PTPN11: variants seen among roughly 807,000 people sequenced by gnomAD.
PTPN11 encodes the protein tyrosine-protein phosphatase non-receptor type 11.
PTPN11 carries 6 observed loss-of-function variants against 78.8 expected under a neutral mutation model. The observed-to-expected ratio is 0.08, with a 90% CI of 0.04 to 0.15. The LOEUF is 0.15. Ranked by LOEUF, PTPN11 falls within the 10% of genes least tolerant of loss-of-function variation. The pLI is 1.00. For synonymous variants in PTPN11, 221 were observed against 263.5 expected (o/e 0.84, Z 1.56); for missense variants, 386 against 744.8 (o/e 0.52, Z 5.61).
At position 112,455,968 on chromosome 12, in the gene PTPN11, A is replaced by G. The variant is rs397516806; in HGVS notation, c.661A>G (p.Ile221Val). Residue 221 changes from isoleucine (I) to valine (V), a missense_variant, in exon 6 of 16, where the codon ATA becomes GTA. This residue lies in a region of PTPN11 where 279 missense variants were observed against 503.3 expected (regional missense o/e 0.55). Transcript: ENST00000351677. ...QLKQPLNTTR[I>V]NAAEIESRVR... ...CGATCAGCCCCTTAACACGACTCGT[A>G]TAAATGCTGCTGAAATAGAAAGCAG... 9 of 1,608,476 alleles carry G rather than the reference A, an allele frequency of 5.6e-6. No homozygotes were observed. The highest frequency in any genetic ancestry group is 1.7e-5 in the Admixed American group (1 of 59,842).
In PTPN11 at chr12:112,477,925, G is replaced by T. The variant is rs2038532761; in HGVS notation, c.1002G>T (p.Leu334=). 6.2e-7 allele frequency: 1 copy of T among 1,614,160 alleles called. No homozygotes were observed. The highest frequency in any genetic ancestry group is 1.6e-4 in the Middle Eastern group (1 of 6,062). ...GTTACATTGCCACACAAGGCTGCCT[G>T]CAAAACACGGTGAATGACTTTTGGC... ...KKSYIATQGC[L]QNTVNDFWRM... The change falls in exon 9 of 16, where the codon CTG becomes CTT. Residue 334 remains leucine, a synonymous_variant. Coordinates refer to ENST00000351677, the MANE Select transcript of PTPN11 (RefSeq NM_002834.5).
chr12:112,493,001 T>G (rs971004739), intron 13 of PTPN11, among the ~76,000 whole-genome samples: 1 of 152,162 alleles, frequency 6.6e-6, no homozygotes, highest in Non-Finnish European at 1.5e-5. Flanking sequence ...TTTTGATATA[T>G]GTATACTTTG....
In PTPN11 at chr12:112,506,946, T is replaced by TTGATGATGATGA; in HGVS notation, c.*1190_*1201dup. On this transcript the variant is annotated 3_prime_UTR_variant, in exon 16 of 16. Transcript: ENST00000351677. ...ACAGTGTCCCTTCTACTTCCCTCTA[T>TTGATGATGATGA]TGATGATGATGATGATGATGATGAT... 1.8e-5 allele frequency: 4 copies of TTGATGATGATGA among 217,018 alleles called. No individual in the cohort carries two copies. The South Asian group carries it at 3.7e-4, about 20-fold the overall frequency. 13.4% of individuals were successfully genotyped at this position (217,018 alleles called of 1,614,324 possible). A position where few individuals can be genotyped will look rare whatever the true frequency, so the allele number is the denominator to read the frequency against.
intron 1 of PTPN11, among the ~76,000 whole-genome samples, chr12:112,435,107 G>T (rs566561037): frequency 6.6e-6 from 1 of 151,892 alleles, no homozygotes; most frequent in African/African-American, 2.4e-5. Flanking sequence ...CAACCCCGAC[G>T]TCCCAGGCTC....
At chr12:112,445,798 T>G (rs1265018193) in intron 1 of PTPN11, among the ~76,000 whole-genome samples, 1 of 151,906 alleles carries the variant, frequency 6.6e-6, no homozygotes, top group Admixed American at 6.6e-5. Context: ...TGCACCACCA[T>G]GCCCAGCTAA....
intron 13 of PTPN11, among the ~76,000 whole-genome samples, chr12:112,499,188 G>A (rs973781915): frequency 1.3e-5 from 2 of 149,652 alleles, no homozygotes; most frequent in Non-Finnish European, 3.0e-5. Context: ...TAGATCTCAT[G>A]TCATGTGTTT....
intron 7 of PTPN11, among the ~76,000 whole-genome samples, chr12:112,474,110 A>T (rs2038460776): frequency 6.6e-6 from 1 of 152,102 alleles, no homozygotes; most frequent in African/African-American, 2.4e-5. Flanking sequence ...GCACCCTGGG[A>T]GGCCGAGGTG....
chr12:112,459,519 T>G (rs562439290), intron 6 of PTPN11, among the ~76,000 whole-genome samples: 17 of 151,802 alleles, frequency 1.1e-4, no homozygotes, highest in African/African-American at 4.1e-4. Flanking sequence ...CAAGCTGGAG[T>G]GCTGTGGCTT....
At chr12:112,496,141 C>T (rs746623267) in intron 13 of PTPN11, among the ~76,000 whole-genome samples, 3 of 152,176 alleles carry the variant, frequency 2.0e-5, no homozygotes, top group Non-Finnish European at 4.4e-5. Flanking sequence ...TTGATAGAGA[C>T]GCATGTACAT....
intron 10 of PTPN11, among the ~76,000 whole-genome samples, chr12:112,485,297 G>A (rs979022414): frequency 1.3e-5 from 2 of 152,128 alleles, no homozygotes; most frequent in East Asian, 3.9e-4. Context: ...ACATATATAG[G>A]AAGAAGATGT....
chr12:112,475,730 T>C (rs780643111), intron 7 of PTPN11, among the ~76,000 whole-genome samples: 15 of 152,154 alleles, frequency 9.9e-5, no homozygotes, highest in Admixed American at 1.3e-4. Context: ...AACCATTCTT[T>C]GTGTGTGTCT....
intron 7 of PTPN11, among the ~76,000 whole-genome samples, chr12:112,477,060 T>G (rs2038516445): frequency 6.6e-6 from 1 of 151,882 alleles, no homozygotes; most frequent in Admixed American, 6.6e-5. Context: ...TGTGTCTCAC[T>G]CTGTCATCCA....
chr12:112,477,632 T>G lies in PTPN11; in HGVS notation c.854-19T>G, dbSNP rs751780145. 3.7e-5 allele frequency: 59 copies of G among 1,590,594 alleles called. No homozygotes were observed. Among genetic ancestry groups the G allele is most frequent in the Non-Finnish European group, 3.7e-5 (43 of 1,160,164 alleles). ...AAGCAGTCCAGGACTTATGTGACCG[T>G]GGTCTCTTTTTCTTCTAGTTGATCA... On this transcript the variant is annotated intron_variant, in intron 7 of 15. Coordinates refer to ENST00000351677, the MANE Select transcript of PTPN11 (RefSeq NM_002834.5).
chr12:112,503,663 G>C (rs1487287645), intron 14 of PTPN11, among the ~76,000 whole-genome samples: 1 of 152,186 alleles, frequency 6.6e-6, no homozygotes, highest in African/African-American at 2.4e-5. Context: ...GTCCTTGCCA[G>C]ACAGCTCGTC....
chr12:112,454,218 C>G (rs1353846037), intron 4 of PTPN11, among the ~76,000 whole-genome samples: 1 of 152,112 alleles, frequency 6.6e-6, no homozygotes, highest in African/African-American at 2.4e-5. Flanking sequence ...CTCTTGGGCT[C>G]AAGTGATTCT....
intron 6 of PTPN11, among the ~76,000 whole-genome samples, chr12:112,468,020 C>T (rs1389268918): frequency 2.0e-5 from 3 of 152,124 alleles, no homozygotes; most frequent in Non-Finnish European, 4.4e-5. Flanking sequence ...TGTTTAGACT[C>T]CTGCAGTCAG....
chr12:112,425,198 A>G (rs1176879725), intron 1 of PTPN11, among the ~76,000 whole-genome samples: 1 of 151,984 alleles, frequency 6.6e-6, no homozygotes, highest in Non-Finnish European at 1.5e-5. Context: ...TATTTATTGC[A>G]TTATTGTTGA....
At chr12:112,495,713 C>G (rs1482573542) in intron 13 of PTPN11, among the ~76,000 whole-genome samples, 2 of 152,212 alleles carry the variant, frequency 1.3e-5, no homozygotes, top group Admixed American at 1.3e-4. Context: ...AACATCACAG[C>G]TTAGCCTAGC....
Position 112,419,241 on chromosome 12 carries a change from G to T in PTPN11, c.14+116G>T, listed in dbSNP as rs1392674215. On this transcript the variant is annotated intron_variant, in intron 1 of 15. Coordinates refer to ENST00000351677, the MANE Select transcript of PTPN11 (RefSeq NM_002834.5). ...CTTCGGGCTCCCGCCCCGGGTCGGG[G>T]TTGGGGGCCGGTTCCCTCCTCGTCC... is the stretch of plus-strand genomic sequence containing the variant. 7 of 1,142,076 alleles carry T rather than the reference G, an allele frequency of 6.1e-6. No homozygotes were observed. In the African/African-American group the frequency reaches 6.6e-5, roughly 11 times the overall value. 70.7% of individuals were successfully genotyped at this position (1,142,076 alleles called of 1,614,324 possible).
Sources: allele counts gnomAD v4.1 joint callset (sites outside exome capture counted in the v4.1 genomes callset), GRCh38; gene constraint gnomAD v4.1.1; regional missense constraint gnomAD v4.1.1; transcripts MANE v1.5; gene names NCBI Gene and HGNC (gene_info 2026-07-23, HGNC 2026-07-21).